SUN1: variants seen among roughly 807,000 people sequenced by gnomAD.
SUN1 encodes SUN domain-containing protein 1.
Under a neutral mutation model 103.2 loss-of-function variants are expected in SUN1, and 61 were observed. The ratio of observed to expected loss-of-function variants is 0.59; its 90% CI spans 0.48 to 0.73. SUN1 has a LOEUF of 0.73. Among genes scored for constraint, SUN1 ranks in the 30% least tolerant of loss-of-function variants. The pLI is 0.00. For missense variants in SUN1, 1,052 were observed against 1,034.6 expected (o/e 1.02, Z -0.23); for synonymous variants, 490 against 425.7 (o/e 1.15, Z -1.86).
At chr7:864,125 ATATT>A (rs1562798042) in intron 15 of SUN1, among the ~76,000 whole-genome samples, 1 of 152,186 alleles carries the variant, frequency 6.6e-6, no homozygotes, top group Non-Finnish European at 1.5e-5. Flanking sequence ...ATAGGTGCAC[ATATT>A]TATGGGGTAT....
intron 1 of SUN1, among the ~76,000 whole-genome samples, chr7:835,262 G>C (rs1027864120): frequency 6.6e-6 from 1 of 152,248 alleles, no homozygotes; most frequent in Non-Finnish European, 1.5e-5. Context: ...CCAGCCCGCT[G>C]TCCTGCACCA....
intron 17 of SUN1, among the ~76,000 whole-genome samples, chr7:870,160 C>T (rs928196352): frequency 4.7e-5 from 7 of 148,818 alleles, no homozygotes; most frequent in Admixed American, 1.3e-4. Flanking sequence ...AGCTGAGATC[C>T]TGCCACTGCA....
At chr7:854,100 C>T (rs1824801707) in intron 10 of SUN1, among the ~76,000 whole-genome samples, 1 of 152,218 alleles carries the variant, frequency 6.6e-6, no homozygotes, top group South Asian at 2.1e-4. Flanking sequence ...CAGAGGATGC[C>T]TTCTCTTGTG....
intron 1 of SUN1, among the ~76,000 whole-genome samples, chr7:824,742 T>C (rs1789765851): frequency 6.6e-6 from 1 of 152,164 alleles, no homozygotes; most frequent in South Asian, 2.1e-4. Flanking sequence ...CCTTTTCCTG[T>C]TGTTTCATCA....
chr7:827,972 T>C (rs918362902), upstream of SUN1, among the ~76,000 whole-genome samples: 4 of 151,748 alleles, frequency 2.6e-5, no homozygotes, highest in Non-Finnish European at 4.4e-5. Context: ...CGCTGAAATA[T>C]GGGCTCACCG....
Position 853,336 on chromosome 7 carries a change from G to A in SUN1, c.1054-73G>A, listed in dbSNP as rs879647360. 89 of 1,555,520 alleles carry A rather than the reference G, an allele frequency of 5.7e-5. No homozygotes were observed. The Admixed American group carries it at 1.5e-3, about 26-fold the overall frequency. On this transcript the variant is annotated intron_variant, in intron 9 of 18. Transcript: ENST00000401592. ...AGCTGGCGTCTTGCTGTAGGACACT[G>A]TTTGGAGGTTTAACTGACTCTGTGC...
In SUN1 at chr7:857,967, C is replaced by A; in HGVS notation, c.1524+10C>A. The A allele has an allele frequency of 5.2e-6, 8 of 1,543,752 alleles. No individual in the cohort carries two copies. Among genetic ancestry groups the A allele is most frequent in the Non-Finnish European group, 7.0e-6 (8 of 1,138,562 alleles). ...TGCCGTACAAGAAAGAGTGAGCTTT[C>A]TGCATGTTTACTTTTTGTTTTATAA... On this transcript the variant is annotated intron_variant, in intron 13 of 18. Coordinates refer to ENST00000401592, the MANE Select transcript of SUN1 (RefSeq NM_001130965.3).
chr7:851,309 C>CG (rs1187367443), intron 5 of SUN1, 75 bp from the exon 6 acceptor site: 1 of 1,308,944 alleles, frequency 7.6e-7, no homozygotes, highest in Non-Finnish European at 1.1e-6. Flanking sequence ...GTGGCTTGGG[C>CG]GTCCCCACCG....
chr7:871,944 C>G (rs1842007076), intron 17 of SUN1, among the ~76,000 whole-genome samples: 1 of 152,238 alleles, frequency 6.6e-6, no homozygotes, highest in East Asian at 1.9e-4. Context: ...CTGTCATCTC[C>G]AGAGCTGCTC....
At chr7:840,884 A>C (rs993132728) in intron 2 of SUN1, among the ~76,000 whole-genome samples, 5 of 151,562 alleles carry the variant, frequency 3.3e-5, no homozygotes, top group African/African-American at 1.2e-4. Flanking sequence ...CTCGTGATCC[A>C]CCTGTCTTGG....
chr7:857,136 C>T (rs898156132), intron 12 of SUN1, among the ~76,000 whole-genome samples: 3 of 152,112 alleles, frequency 2.0e-5, no homozygotes, highest in Non-Finnish European at 4.4e-5. Context: ...GCACGCAGCT[C>T]GTATTCCCCA....
At position 853,597 on chromosome 7, in the gene SUN1, T is replaced by C. The variant is rs1231716798; in HGVS notation, c.1242T>C (p.Ala414=). 1 of 1,604,732 alleles carries C rather than the reference T, an allele frequency of 6.2e-7. No homozygotes were observed. The highest frequency in any genetic ancestry group is 2.2e-5 in the East Asian group (1 of 44,888). ...AAGPSASVRD[A]VGQPPRETDF... ...GGCCGTCAGCTTCGGTCAGAGACGCTGTGGGACAGCCCCCGAGGGAGGTGG... is the reference window on the plus strand; with the variant it reads ...GGCCGTCAGCTTCGGTCAGAGACGCCGTGGGACAGCCCCCGAGGGAGGTGG... The change falls in exon 10 of 19, where the codon GCT becomes GCC. Residue 414 remains alanine (A), a synonymous_variant. Coordinates refer to ENST00000401592, the MANE Select transcript of SUN1 (RefSeq NM_001130965.3).
Position 838,974 on chromosome 7 carries a change from A to G in SUN1, c.254A>G (p.Asn85Ser). The G allele has an allele frequency of 6.3e-7, 1 of 1,588,904 alleles. No homozygotes were observed. Among genetic ancestry groups the G allele is most frequent in the Non-Finnish European group, 8.6e-7 (1 of 1,168,950 alleles). Residue 85 changes from asparagine (N) to serine (S), a missense_variant, in exon 2 of 19, where the codon AAC (asparagine) becomes AGC (serine). Asn to Ser is a conservative substitution (Grantham distance 46). Coordinates refer to ENST00000401592, the MANE Select transcript of SUN1 (RefSeq NM_001130965.3). ...SGTSSAVSLK[N>S]RAARTTKQRR... ...ACCAGCAGCGCTGTCTCCCTGAAGA[A>G]CCGAGCGGCCAGGTGAGCACCGCTG...
rs755993879 is a variant in SUN1, at chr7:852,656, T to G, written c.899T>G (p.Phe300Cys). 6.2e-7 allele frequency: 1 copy of G among 1,614,212 alleles called. No homozygotes were observed. Among genetic ancestry groups the G allele is most frequent in the South Asian group, 1.1e-5 (1 of 91,084 alleles). The change falls in exon 8 of 19, where the codon TTC (phenylalanine) becomes TGC (cysteine). Residue 300 changes from phenylalanine (F) to cysteine (C), a missense_variant. Around this residue, in one of 2 missense-constraint regions of SUN1, gnomAD observed 846 missense variants for 774.5 expected, o/e 1.09. Coordinates refer to ENST00000401592, the MANE Select transcript of SUN1 (RefSeq NM_001130965.3). ...CKFLVLLIPL[F>C]LLLAGLSLRG... ...TTTTTAGTCTTGCTCATCCCACTCT[T>G]CCTTTTACTAGGTAAGTCAAATCTG...
At chr7:863,781 A>C (rs1834128874) in intron 15 of SUN1, among the ~76,000 whole-genome samples, 2 of 152,200 alleles carry the variant, frequency 1.3e-5, no homozygotes, top group South Asian at 4.1e-4. Context: ...ATTGAGAAAA[A>C]CCAACAAAAA....
rs1440373844 is a variant in SUN1, at chr7:860,314, C to T, written c.1711C>T (p.Gln571Ter). 1 of 1,614,260 alleles carries T rather than the reference C, an allele frequency of 6.2e-7. No homozygotes were observed. The highest frequency in any genetic ancestry group is 1.1e-5 in the South Asian group (1 of 91,088). ...NVTHHVSVTKQLPTSEAVVSA... is the reference protein window; with the variant it reads ...NVTHHVSVTK ...CACCCACCACGTTTCCGTGACCAAGCAGCTCCCAACCTCAGAAGCCGTGGT... is the reference window on the plus strand; with the variant it reads ...CACCCACCACGTTTCCGTGACCAAGTAGCTCCCAACCTCAGAAGCCGTGGT... The change falls in exon 14 of 19, where the codon CAG (glutamine) becomes TAG (stop). Residue 571 changes from glutamine (Q) to a stop codon, truncating the protein, a stop_gained. Coordinates refer to ENST00000401592, the MANE Select transcript of SUN1 (RefSeq NM_001130965.3). LOFTEE classifies it high-confidence loss of function.
intron 5 of SUN1, among the ~76,000 whole-genome samples, chr7:847,489 C>T (rs1817290620): frequency 9.1e-6 from 1 of 110,278 alleles, no homozygotes; most frequent in Non-Finnish European, 2.0e-5. Context: ...GGGGTTACCC[C>T]ACAGCGCCGT....
chr7:845,534 A>G (rs1814702451), intron 5 of SUN1, among the ~76,000 whole-genome samples: 2 of 151,992 alleles, frequency 1.3e-5, no homozygotes, highest in South Asian at 4.1e-4. Flanking sequence ...ACAAGCTGCC[A>G]CACCAGAAAA....
At position 869,393 on chromosome 7, in the gene SUN1, G is replaced by C. The variant is rs781122957; in HGVS notation, c.2025G>C (p.Gln675His). 6.2e-6 allele frequency: 10 copies of C among 1,613,876 alleles called. No individual in the cohort carries two copies. The highest frequency in any genetic ancestry group is 1.7e-5 in the Admixed American group (1 of 60,012). The part of the protein sequence containing the change: ...PGNCWAFKGS[Q>H]GYLVVRLSMM... ...ACTGCTGGGCATTTAAAGGCTCCCA[G>C]GGGTACCTGGTGGTGAGGCTCTCCA... is the stretch of plus-strand genomic sequence containing the variant. The change falls in exon 17 of 19, where the codon CAG becomes CAC. Residue 675 changes from glutamine to histidine, a missense_variant. Coordinates refer to ENST00000401592, the MANE Select transcript of SUN1 (RefSeq NM_001130965.3).
Sources: allele counts gnomAD v4.1 joint callset (sites outside exome capture counted in the v4.1 genomes callset), GRCh38; gene constraint gnomAD v4.1.1; regional missense constraint gnomAD v4.1.1; transcripts MANE v1.5; gene names NCBI Gene and HGNC (gene_info 2026-07-23, HGNC 2026-07-21).